Variants in ABCC1 observed in about 807,000 individuals in gnomAD.
ABCC1 encodes the protein multidrug resistance-associated protein 1.
Under a neutral mutation model 172.9 loss-of-function variants are expected in ABCC1, and 83 were observed. The ratio of observed to expected loss-of-function variants is 0.48; its 90% confidence interval spans 0.40 to 0.58. The LOEUF (loss-of-function observed/expected upper bound fraction) is 0.58. Ranked by LOEUF, ABCC1 falls within the 20% of genes least tolerant of loss-of-function variation. ABCC1 has a pLI of 0.00. For synonymous variants in ABCC1, 937 were observed against 825.2 expected, an observed-to-expected ratio of 1.14 and a Z score of -2.32; for missense variants, 1,817 against 2,002.7, an observed-to-expected ratio of 0.91 and a Z score of 1.77.
chr16:15,976,703 T>A (rs2046499851), intron 1 of ABCC1, among the ~76,000 whole-genome samples: 1 of 152,154 alleles, frequency 6.6e-6, no homozygotes, highest in Admixed American at 6.5e-5. Flanking sequence ...ACAGTGATGA[T>A]GACAATAGCC....
At chr16:16,061,774 T>C (rs1271821532) in intron 12 of ABCC1, among the ~76,000 whole-genome samples, 1 of 81,732 alleles carries the variant, frequency 1.2e-5, no homozygotes, top group Non-Finnish European at 2.1e-5. Flanking sequence ...CTTTTTTTCT[T>C]TTTTTTTTTT....
rs766733775 is a variant in ABCC1 at position 16,009,800 on chromosome 16, G to A, written c.250G>A (p.Val84Ile). ...KTALGFLLWI[V>I]CWADLFYSFW... ...GGCCTTGGGATTTTTGCTGTGGATCGTCTGCTGGGCAGACCTCTTCTACTC... is the reference window on the plus strand; with the variant it reads ...GGCCTTGGGATTTTTGCTGTGGATCATCTGCTGGGCAGACCTCTTCTACTC... The change falls in exon 3 of 31, where the codon GTC becomes ATC. Residue 84 changes from valine to isoleucine, a missense_variant. Coordinates refer to ENST00000399410, the MANE Select transcript of ABCC1 (RefSeq NM_004996.4). 1.2e-5 allele frequency: 20 copies of A among 1,607,560 alleles called. No homozygotes were observed. The Admixed American group carries it at 1.9e-4, about 15-fold the overall frequency.
chr16:16,075,147 G>A (rs1032748718), intron 14 of ABCC1, among the ~76,000 whole-genome samples: 19 of 151,850 alleles, frequency 1.3e-4, no homozygotes, highest in Non-Finnish European at 1.0e-4. Context: ...GTTTCACCAC[G>A]TTGGCCAGGC....
At chr16:16,082,989 G>T (rs1235486394) in intron 16 of ABCC1, among the ~76,000 whole-genome samples, 1 of 152,086 alleles carries the variant, frequency 6.6e-6, no homozygotes, top group Non-Finnish European at 1.5e-5. Flanking sequence ...TTTTATCTTT[G>T]CGTCCACCGT....
intron 14 of ABCC1, among the ~76,000 whole-genome samples, chr16:16,074,972 A>G (rs1163453721): frequency 7.5e-6 from 1 of 133,040 alleles, no homozygotes; most frequent in Non-Finnish European, 1.6e-5. Context: ...TTTGAGACAG[A>G]GTTTCACTCT....
intron 1 of ABCC1, among the ~76,000 whole-genome samples, chr16:15,950,120 A>G (rs989734760): frequency 2.7e-5 from 4 of 149,040 alleles, no homozygotes; most frequent in African/African-American, 5.0e-5. Context: ...ACAACCTTCC[A>G]GGGAAGGGGA....
At chr16:16,114,079 C>A (rs1257721419) in intron 22 of ABCC1, among the ~76,000 whole-genome samples, 1 of 152,132 alleles carries the variant, frequency 6.6e-6, no homozygotes, top group African/African-American at 2.4e-5. Flanking sequence ...GTTGGGGACC[C>A]CTGGTCTAGA....
intron 1 of ABCC1, among the ~76,000 whole-genome samples, chr16:15,989,714 C>A (rs1268139795): frequency 1.3e-5 from 2 of 152,148 alleles, no homozygotes; most frequent in African/African-American, 4.8e-5. Context: ...GACTCGCGGG[C>A]CATCTTCTCA....
rs574090987 is a variant in ABCC1 at position 16,080,730 on chromosome 16, C to T, written c.2115+1252C>T. Among the ~76,000 whole-genome samples the T allele has an allele frequency of 1.4e-4, 22 of 152,324 alleles. No homozygotes were observed. The South Asian group carries it at 4.6e-3, about 32-fold the overall frequency. On this transcript the variant is annotated intron_variant, in intron 16 of 30. Transcript: ENST00000399410. ...AGCAAATTAAAGGCTCTGACAAGTCCTGCAAGGAGAAAAAATCTATTAACT... is the reference window on the plus strand; with the variant it reads ...AGCAAATTAAAGGCTCTGACAAGTCTTGCAAGGAGAAAAAATCTATTAACT...
chr16:16,142,076 C>G lies in ABCC1; in HGVS notation c.*795C>G, dbSNP rs1180101709. 1 of 152,214 alleles carries G rather than the reference C, an allele frequency of 6.6e-6. No individual in the cohort carries two copies. The highest frequency in any genetic ancestry group is 1.9e-4 in the East Asian group (1 of 5,184). The allele number at this position is 152,214 out of a possible 1,614,324, so 9.4% of individuals were successfully genotyped here. A position where few individuals can be genotyped will look rare whatever the true frequency, so the allele number is the denominator to read the frequency against. Reference sequence around the variant, plus strand: ...TCCACCTGGGGCTTCCCTCCCCACCCACCCCGACTCCAGGCTTTCCCTTTT... The same window carrying G: ...TCCACCTGGGGCTTCCCTCCCCACCGACCCCGACTCCAGGCTTTCCCTTTT... On this transcript the variant is annotated 3_prime_UTR_variant, in exon 31 of 31. Coordinates refer to ENST00000399410, the MANE Select transcript of ABCC1 (RefSeq NM_004996.4).
chr16:16,054,651 C>T (rs1398665307), intron 11 of ABCC1, among the ~76,000 whole-genome samples: 1 of 152,080 alleles, frequency 6.6e-6, no homozygotes, highest in African/African-American at 2.4e-5. Context: ...ACCCTTCAGT[C>T]TCTTGATGTG....
At chr16:15,964,187 C>T (rs1399587413) in intron 1 of ABCC1, among the ~76,000 whole-genome samples, 1 of 152,188 alleles carries the variant, frequency 6.6e-6, no homozygotes, top group Non-Finnish European at 1.5e-5. Flanking sequence ...AAGTGATCTG[C>T]CCACCTTGGC....
At chr16:16,044,720 C>T (rs1371535088) in intron 8 of ABCC1, 40 bp downstream of exon 8, 2 of 1,572,606 alleles carry the variant, frequency 1.3e-6, no homozygotes, top group East Asian at 2.2e-5. Context: ...CATTTTCCCT[C>T]CTTGGCTTTG....
chr16:16,012,830 G>A (rs746127076), intron 3 of ABCC1, among the ~76,000 whole-genome samples: 3 of 151,532 alleles, frequency 2.0e-5, no homozygotes, highest in Non-Finnish European at 2.9e-5. Context: ...TTACAGGCAC[G>A]CGCCACCACA....
intron 1 of ABCC1, among the ~76,000 whole-genome samples, chr16:16,005,723 G>A (rs1224378682): frequency 6.6e-6 from 1 of 152,198 alleles, no homozygotes; most frequent in African/African-American, 2.4e-5. Context: ...TTGGGAGACT[G>A]AGGTTGGCAG....
At chr16:16,007,214 T>TGTGTGTG (rs1555480445) in intron 1 of ABCC1, among the ~76,000 whole-genome samples, 3 of 145,774 alleles carry the variant, frequency 2.1e-5, no homozygotes, top group Non-Finnish European at 4.5e-5. Context: ...GTATGCACTG[T>TGTGTGTG]TGTGTGTGTG....
intron 1 of ABCC1, among the ~76,000 whole-genome samples, chr16:15,958,910 G>A (rs1350060799): frequency 1.3e-5 from 2 of 152,160 alleles, no homozygotes; most frequent in Non-Finnish European, 2.9e-5. Flanking sequence ...GTGCAGCGTA[G>A]TCTTAGCCCC....
chr16:16,084,188 T>C (rs1246356137), intron 17 of ABCC1, among the ~76,000 whole-genome samples: 2 of 152,276 alleles, frequency 1.3e-5, no homozygotes, highest in East Asian at 3.9e-4. Context: ...CTGCAACCTC[T>C]GCCTCCCGCG....
intron 28 of ABCC1, among the ~76,000 whole-genome samples, chr16:16,134,827 A>G (rs987552250): frequency 5.3e-5 from 8 of 151,872 alleles, no homozygotes; most frequent in Non-Finnish European, 8.8e-5. Context: ...TTTTTTGTGG[A>G]GATGGGGTTC....
Sources: gnomAD v4.1 joint callset for allele counts (sites outside exome capture counted in the v4.1 genomes callset) on GRCh38, gnomAD v4.1.1 for gene constraint, MANE v1.5 for transcripts, NCBI Gene and HGNC (gene_info 2026-07-23, HGNC 2026-07-21) for gene names.